The following LRRC56 variants were observed in gnomAD, a reference collection of about 807,000 sequenced individuals.
The protein encoded by LRRC56 is leucine rich repeat containing 56, also known as leucine-rich repeat-containing protein 56.
A neutral mutation model predicts 47.8 loss-of-function variants in LRRC56; 41 were observed. That is an observed-to-expected ratio of 0.86 (90% confidence interval 0.67 to 1.11). LRRC56 has a LOEUF of 1.11. Among genes scored for constraint, LRRC56 ranks in the 50% most tolerant of loss-of-function variants. The pLI, the probability that LRRC56 is intolerant of heterozygous loss-of-function variation, is 0.00. For missense variants in LRRC56, 759 were observed against 704.2 expected (o/e 1.08, Z -0.88); for synonymous variants, 387 against 311.2 (o/e 1.24, Z -2.56).
At chr11:510,628 C>T in the LRRC56 span, among the ~76,000 whole-genome samples, 3 of 152,224 alleles carry the variant, frequency 2.0e-5, no homozygotes, top group East Asian at 1.9e-4. Context: ...ATCCCAGCTA[C>T]TCGGGAGACT....
chr11:546,532 A>C (rs943804739), intron 6 of LRRC56, among the ~76,000 whole-genome samples: 10 of 151,682 alleles, frequency 6.6e-5, no homozygotes, highest in Admixed American at 1.3e-4. Context: ...CGCACCACTA[A>C]ACTCCAGCCT....
Position 547,740 on chromosome 11 carries a change from C to T in LRRC56, c.327-2162C>T, listed in dbSNP as rs1287726286. On this transcript the variant is annotated intron_variant, in intron 6 of 13. Coordinates refer to ENST00000270115, the MANE Select transcript of LRRC56 (RefSeq NM_198075.4). ...CATAAATACACAAAATATAAAAGAG[C>T]AGTGGAAGGTACTATAAAATTAAAT... Among the ~76,000 whole-genome samples, 4 of 152,110 alleles carry T rather than the reference C, an allele frequency of 2.6e-5. No homozygotes were observed. The East Asian group carries it at 7.7e-4, about 29-fold the overall frequency.
chr11:516,930 G>A, the LRRC56 span, among the ~76,000 whole-genome samples: 2 of 152,164 alleles, frequency 1.3e-5, no homozygotes, highest in African/African-American at 4.8e-5. Flanking sequence ...GCTTGCTGCA[G>A]CCTCCCTGCC....
intron 8 of LRRC56, 28 bp from the exon 9 acceptor site, chr11:551,103 C>A: frequency 7.6e-7 from 1 of 1,307,380 alleles, no homozygotes; most frequent in South Asian, 1.5e-5. Context: ...CAGACCTGCC[C>A]TCCCTCCCCC....
chr11:513,502 C>T, the LRRC56 span, among the ~76,000 whole-genome samples: 1 of 152,114 alleles, frequency 6.6e-6, no homozygotes, highest in African/African-American at 2.4e-5. Context: ...TGAAGATGCT[C>T]TAAACATTGC....
the LRRC56 span, among the ~76,000 whole-genome samples, chr11:520,466 G>A: frequency 6.6e-6 from 1 of 151,958 alleles, no homozygotes; most frequent in South Asian, 2.1e-4. Flanking sequence ...GATTACGTGC[G>A]CCACCACGTC....
chr11:540,205 GGA>G (rs1851725202), intron 3 of LRRC56, among the ~76,000 whole-genome samples: 1 of 152,234 alleles, frequency 6.6e-6, no homozygotes, highest in African/African-American at 2.4e-5. Flanking sequence ...CTGGGGTAGG[GGA>G]AGGCCTGGGA....
intron 5 of LRRC56, among the ~76,000 whole-genome samples, chr11:544,425 G>T (rs1189842503): frequency 3.9e-5 from 6 of 152,230 alleles, no homozygotes; most frequent in Admixed American, 3.3e-4. Flanking sequence ...CTGCATTCAG[G>T]CTGGCTACAG....
upstream of LRRC56, among the ~76,000 whole-genome samples, chr11:536,143 G>C (rs949614377): frequency 6.6e-6 from 1 of 152,196 alleles, no homozygotes; most frequent in Non-Finnish European, 1.5e-5. Flanking sequence ...AACCCACCCC[G>C]AGGACGCTTG....
chr11:512,101 A>G, the LRRC56 span, among the ~76,000 whole-genome samples: 1 of 151,652 alleles, frequency 6.6e-6, no homozygotes, highest in Non-Finnish European at 1.5e-5. Context: ...GTGCCACCAC[A>G]CCCAGCTAAT....
upstream of LRRC56, chr11:532,716 G>A (rs779101895): frequency 8.1e-6 from 13 of 1,613,056 alleles, no homozygotes; most frequent in African/African-American, 4.0e-5. Flanking sequence ...TTGTGCTGCC[G>A]GATCTCACGC....
chr11:531,070 G>A, the LRRC56 span, among the ~76,000 whole-genome samples: 410 of 124,436 alleles, frequency 3.3e-3, no homozygotes, highest in Non-Finnish European at 5.0e-3. Flanking sequence ...GGCGAGTGTG[G>A]CGTCCCCTGG....
Position 552,550 on chromosome 11 carries a change from C to T in LRRC56, c.1182-19C>T, listed in dbSNP as rs1852463512. On this transcript the variant is annotated intron_variant, in intron 12 of 13. Transcript: ENST00000270115. The stretch of plus-strand genomic sequence containing the variant: ...TGGGGGGATCAGGGCTGGAGCTTCT[C>T]CTCCTCTCCCCACCCTAGCCCCCTC... 3 of 1,587,180 alleles carry T rather than the reference C, an allele frequency of 1.9e-6. No individual in the cohort carries two copies. The highest frequency in any genetic ancestry group is 2.6e-6 in the Non-Finnish European group (3 of 1,165,312).
Position 543,956 on chromosome 11 carries a change from A to G in LRRC56, c.266-764A>G, listed in dbSNP as rs143143220. Among the ~76,000 whole-genome samples the G allele has an allele frequency of 5.5e-3, 840 of 152,060 alleles. 30 individuals carry two copies. In the East Asian group the frequency reaches 0.1, roughly 19 times the overall value. On this transcript the variant is annotated intron_variant, in intron 5 of 13. Transcript: ENST00000270115. ...GTAGAGACGGGGTTTCACCGTGTTA[A>G]CCAGGATGGTCTCGATCTACTGACC...
At chr11:517,639 C>T in the LRRC56 span, among the ~76,000 whole-genome samples, 2 of 152,182 alleles carry the variant, frequency 1.3e-5, no homozygotes, top group African/African-American at 4.8e-5. Flanking sequence ...GCCAGGCCGC[C>T]CCGTCTGGGA....
In LRRC56 at chr11:551,652, C is replaced by T. The variant is rs1348035673; in HGVS notation, c.798C>T (p.Asp266=). The T allele has an allele frequency of 1.3e-6, 2 of 1,559,116 alleles. No individual in the cohort carries two copies. The highest frequency in any genetic ancestry group is 2.3e-5 in the East Asian group (1 of 44,368). ...CCTCTGCTTCTGAACCTCGGGCAGA[C>T]TGTCCCCGTGGAGCCCCCATCCGGA... The part of the protein sequence containing the change: ...IKKGNGLPPL[D]CPRGAPIRRL... Residue 266 remains aspartate, a splice_region_variant and synonymous_variant, in exon 10 of 14, where the codon GAC becomes GAT. Coordinates refer to ENST00000270115, the MANE Select transcript of LRRC56 (RefSeq NM_198075.4).
Position 550,999 on chromosome 11 carries a change from G to C in LRRC56, c.625-132G>C, listed in dbSNP as rs865981896. ...GACCCAAGCCCACCCCTGCAGGGTA[G>C]GCAGCATCCCCACCTCTGGGCCCCT... On this transcript the variant is annotated intron_variant, in intron 8 of 13. Transcript: ENST00000270115. 14 of 555,470 alleles carry C rather than the reference G, an allele frequency of 2.5e-5. No individual in the cohort carries two copies. The South Asian group carries it at 3.6e-4, about 14-fold the overall frequency. The allele number at this position is 555,470 out of a possible 1,614,324, so 34.4% of individuals were successfully genotyped here. A position where few individuals can be genotyped will look rare whatever the true frequency, so the allele number is the denominator to read the frequency against.
chr11:533,577 A>T (rs1851248879), upstream of LRRC56: 1 of 1,613,714 alleles, frequency 6.2e-7, no homozygotes, highest in Non-Finnish European at 8.5e-7. Flanking sequence ...CACCATGGGC[A>T]CGTCATCCGA....
At chr11:509,074 A>G in the LRRC56 span, among the ~76,000 whole-genome samples, 2 of 151,316 alleles carry the variant, frequency 1.3e-5, no homozygotes, top group African/African-American at 4.8e-5. Context: ...TCCGTCTCAA[A>G]AAGAAGGTGG....
Sources: allele counts gnomAD v4.1 joint callset (sites outside exome capture counted in the v4.1 genomes callset), GRCh38; gene constraint gnomAD v4.1.1; transcripts MANE v1.5; gene names NCBI Gene and HGNC (gene_info 2026-07-23, HGNC 2026-07-21).